Variants in CMPK1 observed in about 807,000 individuals in gnomAD.
The protein encoded by CMPK1 is UMP-CMP kinase.
In CMPK1, 10 loss-of-function variants were observed where a neutral mutation model predicts 25.7. The observed-to-expected ratio is 0.39, with a 90% CI of 0.24 to 0.66. The LOEUF is 0.66. CMPK1 is among the 30% of genes least tolerant of loss of function. CMPK1 has a pLI of 0.48. For missense variants in CMPK1, 199 were observed against 280.5 expected (o/e 0.71, Z 2.08); for synonymous variants, 106 against 101.5 (o/e 1.04, Z -0.27).
At chr1:47,355,503 C>T (rs188569112) in intron 1 of CMPK1, among the ~76,000 whole-genome samples, 133 of 151,704 alleles carry the variant, frequency 8.8e-4, no homozygotes, top group Middle Eastern at 6.8e-3. Flanking sequence ...TTAGTAGAGA[C>T]GGGGTTTTAG....
intron 1 of CMPK1, among the ~76,000 whole-genome samples, chr1:47,340,078 CTATT>C (rs1040612519): frequency 9.6e-5 from 9 of 93,508 alleles, no homozygotes; most frequent in Admixed American, 2.9e-4. Context: ...CCTTTCTTTC[CTATT>C]TATTTATTTA....
At chr1:47,350,021 G>T (rs1384332529) in intron 1 of CMPK1, among the ~76,000 whole-genome samples, 2 of 152,138 alleles carry the variant, frequency 1.3e-5, no homozygotes, top group African/African-American at 2.4e-5. Flanking sequence ...GGCCAGGCTG[G>T]TCTAAAACTC....
intron 5 of CMPK1, 87 bp downstream of exon 5, chr1:47,375,380 C>T: frequency 1.2e-6 from 1 of 864,986 alleles, no homozygotes; most frequent in Non-Finnish European, 1.8e-6. Context: ...AAAAGAAATA[C>T]TATCACAGAT....
intron 1 of CMPK1, among the ~76,000 whole-genome samples, chr1:47,340,913 A>G (rs1646437175): frequency 6.6e-6 from 1 of 152,188 alleles, no homozygotes; most frequent in African/African-American, 2.4e-5. Flanking sequence ...TTGGGATTAC[A>G]GGTATGATCT....
intron 2 of CMPK1, among the ~76,000 whole-genome samples, chr1:47,372,365 C>T (rs186684782): frequency 3.9e-5 from 6 of 152,064 alleles, no homozygotes; most frequent in African/African-American, 4.8e-5. Flanking sequence ...AATTAGCTTC[C>T]GTTAAAAAGT....
At chr1:47,349,301 T>TA (rs1468914507) in intron 1 of CMPK1, among the ~76,000 whole-genome samples, 1 of 152,210 alleles carries the variant, frequency 6.6e-6, no homozygotes, top group African/African-American at 2.4e-5. Context: ...TGTGGAATAA[T>TA]AGAGTTATTG....
intron 1 of CMPK1, chr1:47,358,983 A>G: frequency 1.0e-6 from 1 of 969,806 alleles, no homozygotes; most frequent in Non-Finnish European, 1.2e-6. Flanking sequence ...TCCTTAGGCA[A>G]ATGATATTCT....
At chr1:47,354,648 A>G (rs968462131) in intron 1 of CMPK1, among the ~76,000 whole-genome samples, 3 of 130,644 alleles carry the variant, frequency 2.3e-5, no homozygotes, top group Non-Finnish European at 4.6e-5. Flanking sequence ...AGAGCGTTCC[A>G]TATCGGAACA....
chr1:47,347,775 G>A (rs1057317259), intron 1 of CMPK1, among the ~76,000 whole-genome samples: 3 of 152,090 alleles, frequency 2.0e-5, no homozygotes, highest in Admixed American at 2.0e-4. Context: ...ACAGGCATGC[G>A]CCGTTACCAT....
chr1:47,334,039 C>T lies in CMPK1; in HGVS notation c.94C>T (p.Leu32Phe), dbSNP rs1646376527. ...RRPILLCSPRLMKPLVVFVLG... is the reference protein window; with the variant it reads ...RRPILLCSPRFMKPLVVFVLG... ...GCCGATTCTCCTCTGCTCTCCACGT[C>T]TCATGAAGCCGCTGGTCGTGTTCGT... Residue 32 changes from leucine to phenylalanine, a missense_variant, in exon 1 of 6, where the codon CTC (leucine) becomes TTC (phenylalanine). By Grantham distance (22) the Leu-to-Phe change is conservative. This residue lies in a region of CMPK1 where 59 missense variants were observed against 45.1 expected (regional missense o/e 1.31). Transcript: ENST00000371873. 1.3e-6 allele frequency: 2 copies of T among 1,553,846 alleles called. No homozygotes were observed. The highest frequency in any genetic ancestry group is 2.3e-4 in the Middle Eastern group (1 of 4,402).
chr1:47,342,951 C>T (rs1266992635), intron 1 of CMPK1, among the ~76,000 whole-genome samples: 2 of 147,428 alleles, frequency 1.4e-5, no homozygotes, highest in Non-Finnish European at 1.5e-5. Context: ...CCCGGCAATT[C>T]TTTTTTTAAA....
chr1:47,339,859 C>T (rs1646427259), intron 1 of CMPK1, among the ~76,000 whole-genome samples: 1 of 151,846 alleles, frequency 6.6e-6, no homozygotes, highest in Non-Finnish European at 1.5e-5. Flanking sequence ...AGGCACCCAC[C>T]ACAACGCGTG....
chr1:47,374,915 A>G lies in CMPK1; in HGVS notation c.478A>G (p.Ile160Val), dbSNP rs1164014659. Reference sequence around the variant, plus strand: ...ACTTTGTATCTCTTTTTAGATTTGTATTGAACGATGTCTTGAGAGGGGAAA... The same window carrying G: ...ACTTTGTATCTCTTTTTAGATTTGTGTTGAACGATGTCTTGAGAGGGGAAA... ...LFFDCNNEIC[I>V]ERCLERGKSS... Residue 160 changes from isoleucine (I) to valine (V), a missense_variant, in exon 4 of 6, where the codon ATT becomes GTT. This residue lies in a region of CMPK1 where 140 missense variants were observed against 235.5 expected (regional missense o/e 0.59). Transcript: ENST00000371873. 3 of 1,609,104 alleles carry G rather than the reference A, an allele frequency of 1.9e-6. No homozygotes were observed. The highest frequency in any genetic ancestry group is 1.3e-5 in the African/African-American group (1 of 74,742).
At chr1:47,369,945 C>T (rs1160575534) in intron 2 of CMPK1, among the ~76,000 whole-genome samples, 1 of 116,778 alleles carries the variant, frequency 8.6e-6, no homozygotes, top group Non-Finnish European at 1.7e-5. Context: ...GACGGAGTTT[C>T]GCTCTGTCGC....
In CMPK1 at chr1:47,353,906, G is replaced by A. The variant is rs1050706416; in HGVS notation, c.172-14563G>A. ...TAATTTTTGTATTTTTAGTAGAGATGGCGTTTCACCATGTTGTCCAGGCTG... is the reference window on the plus strand; with the variant it reads ...TAATTTTTGTATTTTTAGTAGAGATAGCGTTTCACCATGTTGTCCAGGCTG... On this transcript the variant is annotated intron_variant, in intron 1 of 5. Coordinates refer to ENST00000371873, the MANE Select transcript of CMPK1 (RefSeq NM_016308.3). 2.0e-5 allele frequency among the ~76,000 whole-genome samples: 3 copies of A among 152,016 alleles called. No homozygotes were observed. In the East Asian group the frequency reaches 5.8e-4, roughly 29 times the overall value.
At position 47,377,123 on chromosome 1, in the gene CMPK1, C is replaced by G. The variant is rs1466408898; in HGVS notation, c.*378C>G. 6.3e-6 allele frequency: 1 copy of G among 157,620 alleles called. No homozygotes were observed. Among genetic ancestry groups the G allele is most frequent in the African/African-American group, 2.4e-5 (1 of 41,744 alleles). 9.8% of individuals were successfully genotyped at this position (157,620 alleles called of 1,614,324 possible). A position where few individuals can be genotyped will look rare whatever the true frequency, so the allele number is the denominator to read the frequency against. ...GGATACCCGCTTCCTCTTTTTCTTG[C>G]AAGTTTTAAATTTCCAACCTTAAGT... On this transcript the variant is annotated 3_prime_UTR_variant, in exon 6 of 6. Coordinates refer to ENST00000371873, the MANE Select transcript of CMPK1 (RefSeq NM_016308.3).
intron 1 of CMPK1, among the ~76,000 whole-genome samples, chr1:47,345,688 A>G (rs944713206): frequency 4.0e-5 from 6 of 149,466 alleles, no homozygotes; most frequent in Non-Finnish European, 7.4e-5. Context: ...CAATCTCCTG[A>G]CCTCGTGATC....
At chr1:47,345,522 C>T (rs1246759825) in intron 1 of CMPK1, among the ~76,000 whole-genome samples, 1 of 145,290 alleles carries the variant, frequency 6.9e-6, no homozygotes, top group Admixed American at 7.0e-5. Flanking sequence ...GAGACAGAGT[C>T]TCACTCTGTT....
At chr1:47,358,521 G>T in intron 1 of CMPK1, 1 of 1,007,734 alleles carries the variant, frequency 9.9e-7, no homozygotes, top group Non-Finnish European at 1.2e-6. Flanking sequence ...TGTCATTTTT[G>T]GTAGCATACA....
Sources: allele counts gnomAD v4.1 joint callset (sites outside exome capture counted in the v4.1 genomes callset), GRCh38; gene constraint gnomAD v4.1.1; regional missense constraint gnomAD v4.1.1; transcripts MANE v1.5; gene names NCBI Gene and HGNC (gene_info 2026-07-23, HGNC 2026-07-21).